ADARB2: variants seen among roughly 807,000 people sequenced by gnomAD.
ADARB2 encodes the protein inactive double-stranded RNA-specific editase B2.
Under a neutral mutation model 62.2 loss-of-function variants are expected in ADARB2, and 25 were observed. The observed-to-expected ratio is 0.40, with a 90% confidence interval of 0.29 to 0.56. The LOEUF (loss-of-function observed/expected upper bound fraction) is 0.56, where lower values mean the gene tolerates loss of function less well. ADARB2 is among the 20% of genes least tolerant of loss of function. The pLI, the probability that ADARB2 is intolerant of heterozygous loss-of-function variation, is 0.43. For synonymous variants in ADARB2, 572 were observed against 500.8 expected (o/e 1.14, Z -1.90); for missense variants, 1,071 against 1,077.4 (o/e 0.99, Z 0.08).
intron 1 of ADARB2, among the ~76,000 whole-genome samples, chr10:1,547,220 T>C (rs1000299276): frequency 1.4e-4 from 20 of 145,472 alleles, no homozygotes; most frequent in African/African-American, 5.3e-4. Flanking sequence ...AGAGAGGCTG[T>C]GCAAGTCTAT....
At chr10:1,599,224 G>T (rs1833377442) in intron 1 of ADARB2, among the ~76,000 whole-genome samples, 1 of 152,200 alleles carries the variant, frequency 6.6e-6, no homozygotes, top group Non-Finnish European at 1.5e-5. Flanking sequence ...AGGGGCTGAG[G>T]GGGTGGAAAC....
At chr10:1,209,552 ATCACCCACACCCAC>A (rs1837119813) in intron 7 of ADARB2, among the ~76,000 whole-genome samples, 1 of 22,856 alleles carries the variant, frequency 4.4e-5, no homozygotes, top group South Asian at 1.8e-3. Context: ...CACCCATGCC[ATCACCCACACCCAC>A]ATCATCACCC....
intron 7 of ADARB2, chr10:1,216,386 C>T (rs1160377292): frequency 2.6e-5 from 4 of 153,858 alleles, no homozygotes; most frequent in Admixed American, 1.3e-4. Context: ...GAGGCGGGTG[C>T]CCATTCTGCA....
intron 3 of ADARB2, among the ~76,000 whole-genome samples, chr10:1,345,137 T>C (rs1025566531): frequency 6.6e-6 from 1 of 151,268 alleles, no homozygotes; most frequent in Admixed American, 6.6e-5. Flanking sequence ...CGCCGCAGCC[T>C]GGGGGGTGAG....
At chr10:1,644,716 G>A (rs528642542) in intron 1 of ADARB2, among the ~76,000 whole-genome samples, 1 of 152,360 alleles carries the variant, frequency 6.6e-6, no homozygotes, top group South Asian at 2.1e-4. Context: ...TGCTGCTGAT[G>A]CCTCTCACAC....
chr10:1,266,425 A>AG (rs747613391), intron 4 of ADARB2, among the ~76,000 whole-genome samples: 2 of 147,102 alleles, frequency 1.4e-5, no homozygotes, highest in African/African-American at 2.6e-5. Context: ...TGAAAGATGG[A>AG]GTCCCACCCT....
At chr10:1,564,607 A>G (rs951990424) in intron 1 of ADARB2, among the ~76,000 whole-genome samples, 1 of 152,200 alleles carries the variant, frequency 6.6e-6, no homozygotes, top group African/African-American at 2.4e-5. Flanking sequence ...AAAGGTCATG[A>G]ACAGACACTT....
At chr10:1,641,167 A>G (rs1833974316) in intron 1 of ADARB2, among the ~76,000 whole-genome samples, 1 of 152,218 alleles carries the variant, frequency 6.6e-6, no homozygotes, top group Non-Finnish European at 1.5e-5. Context: ...GGATCTCATT[A>G]TATTATTTAG....
At chr10:1,228,558 A>T (rs1445347862) in intron 6 of ADARB2, among the ~76,000 whole-genome samples, 1 of 152,170 alleles carries the variant, frequency 6.6e-6, no homozygotes, top group Non-Finnish European at 1.5e-5. Context: ...GTGGGAATAA[A>T]TGTCTTTCAG....
chr10:1,383,815 C>T (rs1257941543), intron 1 of ADARB2, among the ~76,000 whole-genome samples: 2 of 152,214 alleles, frequency 1.3e-5, no homozygotes, highest in East Asian at 3.9e-4. Context: ...CAGTTGCCTT[C>T]CACACTGAGC....
chr10:1,418,746 T>C (rs956883938), intron 1 of ADARB2, among the ~76,000 whole-genome samples: 1 of 152,080 alleles, frequency 6.6e-6, no homozygotes, highest in East Asian at 1.9e-4. Flanking sequence ...ACTGATACAA[T>C]AGTGATTTTA....
chr10:1,218,454 T>A (rs2131755341), intron 6 of ADARB2, among the ~76,000 whole-genome samples: 1 of 152,384 alleles, frequency 6.6e-6, no homozygotes, highest in South Asian at 2.1e-4. Flanking sequence ...ATCATTTACA[T>A]ACATATGATA....
At chr10:1,558,989 G>A (rs1181838174) in intron 1 of ADARB2, among the ~76,000 whole-genome samples, 1 of 152,240 alleles carries the variant, frequency 6.6e-6, no homozygotes, top group African/African-American at 2.4e-5. Flanking sequence ...TACATCTGGT[G>A]TCTGTGTCTG....
chr10:1,360,333 G>A (rs1336698649), intron 3 of ADARB2, among the ~76,000 whole-genome samples: 1 of 152,218 alleles, frequency 6.6e-6, no homozygotes, highest in Non-Finnish European at 1.5e-5. Flanking sequence ...AGACACAGGT[G>A]CTAACAGGGC....
rs980615014 is a variant in ADARB2, at chr10:1,179,822, G to A, written c.*3371C>T. On this transcript the variant is annotated 3_prime_UTR_variant, in exon 10 of 10. Coordinates refer to ENST00000381312, the MANE Select transcript of ADARB2 (RefSeq NM_018702.4). ...GTCAGGTGGTGGGAAGTGCGAGGAA[G>A]CCAGACGGTGATTTCGAGGTGGACT... 5 of 152,348 alleles carry A rather than the reference G, an allele frequency of 3.3e-5. No individual in the cohort carries two copies. Among genetic ancestry groups the A allele is most frequent in the African/African-American group, 1.2e-4 (5 of 41,458 alleles). The allele number at this position is 152,348 out of a possible 1,614,324, so 9.4% of individuals were successfully genotyped here.
At chr10:1,574,354 A>C (rs1236680608) in intron 1 of ADARB2, among the ~76,000 whole-genome samples, 1 of 152,228 alleles carries the variant, frequency 6.6e-6, no homozygotes, top group African/African-American at 2.4e-5. Context: ...CTGAAAGCAG[A>C]GGGGACATGG....
chr10:1,690,096 A>T (rs540927554), intron 1 of ADARB2, among the ~76,000 whole-genome samples: 1 of 152,348 alleles, frequency 6.6e-6, no homozygotes, highest in African/African-American at 2.4e-5. Flanking sequence ...CATTAAGGTG[A>T]TAGCTATTCT....
rs117174687 is a variant in ADARB2 at position 1,425,595 on chromosome 10, G to A, written c.101-46435C>T. 3.5e-4 allele frequency among the ~76,000 whole-genome samples: 54 copies of A among 152,290 alleles called. No individual in the cohort carries two copies. The East Asian group carries it at 7.7e-3, about 22-fold the overall frequency. ...CACCGCGGTGTGGGAGCCTGGGCTC[G>A]CTCACTCCGCTTAGATCTTGTAGAA... On this transcript the variant is annotated intron_variant, in intron 1 of 9. Transcript: ENST00000381312.
At chr10:1,380,521 C>T (rs1832473557) in intron 1 of ADARB2, among the ~76,000 whole-genome samples, 1 of 152,238 alleles carries the variant, frequency 6.6e-6, no homozygotes, top group African/African-American at 2.4e-5. Flanking sequence ...CTGCCCTTGG[C>T]CTTCAGGCGT....
Sources: gnomAD v4.1 joint callset for allele counts (sites outside exome capture counted in the v4.1 genomes callset) on GRCh38, gnomAD v4.1.1 for gene constraint, MANE v1.5 for transcripts, NCBI Gene and HGNC (gene_info 2026-07-23, HGNC 2026-07-21) for gene names.